The following PACS2 variants were observed in gnomAD, a reference collection of about 807,000 sequenced individuals.
The protein encoded by PACS2 is PACS1-like protein.
A neutral mutation model predicts 113.0 loss-of-function variants in PACS2; 36 were observed. That is an observed-to-expected ratio of 0.32 (90% CI 0.24 to 0.42). The LOEUF (loss-of-function observed/expected upper bound fraction) is 0.42. Among genes scored for constraint, PACS2 ranks in the 10% least tolerant of loss-of-function variants. The probability of loss-of-function intolerance (pLI) is 1.00; values close to 1 mark genes in which losing one functional copy is unlikely to be tolerated. For missense variants in PACS2, 1,015 were observed against 1,239.5 expected, an observed-to-expected ratio of 0.82 and a Z score of 2.72; for synonymous variants, 589 against 536.1, an observed-to-expected ratio of 1.10 and a Z score of -1.36.
chr14:105,353,036 A>G (rs1595669761), intron 3 of PACS2, among the ~76,000 whole-genome samples: 2 of 79,466 alleles, frequency 2.5e-5, no homozygotes, highest in Non-Finnish European at 2.5e-5. Flanking sequence ...GGGCACCCCC[A>G]TCACTGTCCC....
chr14:105,382,409 A>G (rs2081025849), intron 13 of PACS2, 68 bp from the exon 14 acceptor site: 1 of 934,382 alleles, frequency 1.1e-6, no homozygotes, highest in Non-Finnish European at 1.8e-6. Context: ...TGCAGGCACC[A>G]GGGCTGGCGT....
At chr14:105,332,450 G>A (rs2059339680) in intron 1 of PACS2, among the ~76,000 whole-genome samples, 1 of 152,234 alleles carries the variant, frequency 6.6e-6, no homozygotes, top group African/African-American at 2.4e-5. Context: ...GTGCCTGTGT[G>A]GCCGACCACC....
chr14:105,381,251 A>C (rs782723727), intron 12 of PACS2, 152 bp downstream of exon 12: 14 of 634,702 alleles, frequency 2.2e-5, no homozygotes, highest in Non-Finnish European at 3.6e-5. Context: ...CTTCTTAAAA[A>C]GGAGAAGCAA....
Position 105,391,258 on chromosome 14 carries a change from G to A in PACS2, c.2119+9G>A, listed in dbSNP as rs116394544. ...ATCCTCGGCCACATCAGGTAACCCC[G>A]TCCCACCCTGAGGCCTTGTGAGTGG... is the stretch of plus-strand genomic sequence containing the variant. On this transcript the variant is annotated intron_variant, in intron 21 of 24. Coordinates refer to ENST00000447393, the MANE Select transcript of PACS2 (RefSeq NM_001100913.3). 17 of 1,609,196 alleles carry A rather than the reference G, an allele frequency of 1.1e-5. No homozygotes were observed. The highest frequency in any genetic ancestry group is 5.3e-5 in the African/African-American group (4 of 74,944).
chr14:105,350,886 C>CAGG (rs2060146370), intron 2 of PACS2, among the ~76,000 whole-genome samples: 1 of 152,210 alleles, frequency 6.6e-6, no homozygotes, highest in South Asian at 2.1e-4. Context: ...GGAGAGGGGA[C>CAGG]AGGAGGGCTG....
In PACS2 at chr14:105,357,850, G is replaced by A. The variant is rs782004637; in HGVS notation, c.423+2673G>A. 2.1e-4 allele frequency among the ~76,000 whole-genome samples: 32 copies of A among 152,148 alleles called. No homozygotes were observed. Among genetic ancestry groups the A allele is most frequent in the South Asian group, 4.1e-4 (2 of 4,830 alleles). On this transcript the variant is annotated intron_variant, in intron 4 of 24. Coordinates refer to ENST00000447393, the MANE Select transcript of PACS2 (RefSeq NM_001100913.3). The surrounding 1 kb of genome is among the most constrained non-coding windows in gnomAD (Gnocchi z 5.1). ...AGAGTGGGGTGTCGGTGAGGCTGGC[G>A]CCATGCATTTGAGAGTAGTGCTCGG...
rs114711613 is a variant in PACS2 at position 105,348,287 on chromosome 14, C to T, written c.120-206C>T. On this transcript the variant is annotated intron_variant, in intron 1 of 24. Transcript: ENST00000447393. This position sits in a 1 kb window ranked among gnomAD's most constrained non-coding sequence, Gnocchi z 6.4. ...ATGGGACCTCTGGCCCGGCAGCCAA[C>T]GGATGCTGAGGGGTGCCCACCATGT... Among the ~76,000 whole-genome samples the T allele has an allele frequency of 0.014, 2,187 of 152,276 alleles. 57 individuals carry two copies. Among genetic ancestry groups the T allele is most frequent in the African/African-American group, 0.05 (2,089 of 41,552 alleles).
intron 1 of PACS2, among the ~76,000 whole-genome samples, chr14:105,344,649 T>C (rs2140982205): frequency 6.6e-6 from 1 of 152,358 alleles, no homozygotes; most frequent in South Asian, 2.1e-4. Flanking sequence ...TTGTCTACTT[T>C]CTTCTTTGTT....
At chr14:105,342,932 TAAA>T (rs1180529928) in intron 1 of PACS2, among the ~76,000 whole-genome samples, 7 of 126,652 alleles carry the variant, frequency 5.5e-5, no homozygotes, top group African/African-American at 1.5e-4. Context: ...GACTCTGTCT[TAAA>T]AAAAAAAAAA....
Position 105,356,420 on chromosome 14 carries a change from C to A in PACS2, c.423+1243C>A, listed in dbSNP as rs1261541168. Among the ~76,000 whole-genome samples the A allele has an allele frequency of 6.6e-6, 1 of 152,222 alleles. No homozygotes were observed. Among genetic ancestry groups the A allele is most frequent in the Non-Finnish European group, 1.5e-5 (1 of 68,016 alleles). The stretch of plus-strand genomic sequence containing the variant: ...TCTTCCCGATTCCTTCGGCAAACCA[C>A]GGACAGCACGGGTGGACCGGGCCTC... On this transcript the variant is annotated intron_variant, in intron 4 of 24. Coordinates refer to ENST00000447393, the MANE Select transcript of PACS2 (RefSeq NM_001100913.3). The surrounding 1 kb of genome is among the most constrained non-coding windows in gnomAD (Gnocchi z 4.0).
chr14:105,345,371 C>T (rs2059886605), intron 1 of PACS2, among the ~76,000 whole-genome samples: 1 of 152,090 alleles, frequency 6.6e-6, no homozygotes, highest in Non-Finnish European at 1.5e-5. Context: ...CACGCCACCG[C>T]ACTCCAGCCT....
chr14:105,309,481 G>A (rs1027939219), upstream of PACS2, among the ~76,000 whole-genome samples: 1 of 152,346 alleles, frequency 6.6e-6, no homozygotes, highest in Middle Eastern at 3.4e-3. The surrounding 1 kb of genome is among the most constrained non-coding windows in gnomAD (Gnocchi z 4.0). Context: ...CTTTCTGTAG[G>A]TGTTGCTGTT....
Position 105,348,734 on chromosome 14 carries a change from A to G in PACS2, c.207+154A>G. ...GGGAGCCCGGGGGGCTGGGAATGAC[A>G]GGATGCTCCTGGGTCCAGTCCTGTC... On this transcript the variant is annotated intron_variant, in intron 2 of 24. Transcript: ENST00000447393. This position sits in a 1 kb window ranked among gnomAD's most constrained non-coding sequence, Gnocchi z 6.4. 1 of 655,414 alleles carries G rather than the reference A, an allele frequency of 1.5e-6. No individual in the cohort carries two copies. Among genetic ancestry groups the G allele is most frequent in the Non-Finnish European group, 2.7e-6 (1 of 364,716 alleles). The allele number at this position is 655,414 out of a possible 1,614,324, so 40.6% of individuals were successfully genotyped here. A position where few individuals can be genotyped will look rare whatever the true frequency, so the allele number is the denominator to read the frequency against.
chr14:105,310,694 C>T (rs1389055462), upstream of PACS2, among the ~76,000 whole-genome samples: 1 of 152,252 alleles, frequency 6.6e-6, no homozygotes, highest in East Asian at 1.9e-4. Flanking sequence ...CCCGGCTCTC[C>T]AGCCAGCGGC....
intron 19 of PACS2, among the ~76,000 whole-genome samples, chr14:105,386,885 G>A (rs1211997105): frequency 3.3e-5 from 5 of 152,136 alleles, no homozygotes; most frequent in South Asian, 2.1e-4. Context: ...AGCAGCCTCC[G>A]CCCTTGCCCC....
At chr14:105,353,886 C>T (rs1331910115) in intron 3 of PACS2, among the ~76,000 whole-genome samples, 1 of 152,038 alleles carries the variant, frequency 6.6e-6, no homozygotes, top group Non-Finnish European at 1.5e-5. Context: ...GACACCATGC[C>T]CAGCCTAGTT....
chr14:105,332,219 G>C (rs1012884014), intron 1 of PACS2, among the ~76,000 whole-genome samples: 1 of 152,108 alleles, frequency 6.6e-6, no homozygotes, highest in Admixed American at 6.5e-5. Context: ...TTGCCGTGGG[G>C]CTGCCTGTGC....
In PACS2 at chr14:105,342,332, A is replaced by G. The variant is rs1288191678; in HGVS notation, c.120-6161A>G. On this transcript the variant is annotated intron_variant, in intron 1 of 24. Transcript: ENST00000447393. ...CACCCAGGCTGAGTGTAGTGGTGCA[A>G]TCACAGCTGACTGCAGCCTCCAACT... Among the ~76,000 whole-genome samples the G allele has an allele frequency of 8.6e-5, 13 of 151,172 alleles. No individual in the cohort carries two copies. The South Asian group carries it at 1.5e-3, about 17-fold the overall frequency.
chr14:105,388,361 G>A lies in PACS2; in HGVS notation c.2034-1600G>A, dbSNP rs587738709. On this transcript the variant is annotated intron_variant, in intron 19 of 24. Transcript: ENST00000447393. ...GGGAGTGTGCTCTGGACCGGCTGCC[G>A]GGCAGAGGCTGTTTTACTTGTGGGC... Among the ~76,000 whole-genome samples, 248 of 152,340 alleles carry A rather than the reference G, an allele frequency of 1.6e-3. 2 individuals carry two copies. Among genetic ancestry groups the A allele is most frequent in the Non-Finnish European group, 1.6e-3 (112 of 68,026 alleles).
Sources: gnomAD v4.1 joint callset for allele counts (sites outside exome capture counted in the v4.1 genomes callset) on GRCh38, gnomAD v4.1.1 for gene constraint, Gnocchi (gnomAD v3.1) non-coding constraint, MANE v1.5 for transcripts, NCBI Gene and HGNC (gene_info 2026-07-23, HGNC 2026-07-21) for gene names.